Variants in OR6C1 observed in about 807,000 individuals in gnomAD.
OR6C1 encodes the protein olfactory receptor family 6 subfamily C member 1, also known as olfactory receptor 6C1.
For missense variants in OR6C1, 386 were observed against 366.1 expected (o/e 1.05, Z -0.44); for synonymous variants, 157 against 133.3 (o/e 1.18, Z -1.22).
intron 1 of OR6C1, among the ~76,000 whole-genome samples, chr12:55,315,161 C>T (rs1374150820): frequency 2.0e-5 from 3 of 150,554 alleles, no homozygotes; most frequent in Admixed American, 6.6e-5. Context: ...TCAATTAATT[C>T]CCAAAAACAT....
chr12:55,320,932 C>T lies in OR6C1; in HGVS notation c.333C>T (p.Tyr111=). 2 of 1,613,910 alleles carry T rather than the reference C, an allele frequency of 1.2e-6. No homozygotes were observed. The highest frequency in any genetic ancestry group is 1.7e-6 in the Non-Finnish European group (2 of 1,179,846). ...FFILLGVTEF[Y]LLAAMSYDRY... ...TTCTCTTGGGAGTCACAGAGTTTTA[C>T]CTTCTGGCTGCCATGTCCTATGACC... The change falls in exon 2 of 2, where the codon TAC becomes TAT. Residue 111 remains tyrosine, a synonymous_variant. Coordinates refer to ENST00000642104, the MANE Select transcript of OR6C1 (RefSeq NM_001005182.2).
rs762542178 is a variant in OR6C1, at chr12:55,320,733, C to T, written c.134C>T (p.Thr45Ile). ...ATCACTGGGAACCTGACCCTTATCACAATTACCCTGCTGGATTCCCACCTG... is the reference window on the plus strand; with the variant it reads ...ATCACTGGGAACCTGACCCTTATCATAATTACCCTGCTGGATTCCCACCTG... ...LSITGNLTLI[T>I]ITLLDSHLQT... The change falls in exon 2 of 2, where the codon ACA becomes ATA. Residue 45 changes from threonine to isoleucine, a missense_variant. Physicochemically the swap from Thr to Ile is moderately conservative, Grantham distance 89. Coordinates refer to ENST00000642104, the MANE Select transcript of OR6C1 (RefSeq NM_001005182.2). The T allele has an allele frequency of 6.2e-7, 1 of 1,614,060 alleles. No homozygotes were observed.
At chr12:55,319,838 G>A (rs757016969) in intron 1 of OR6C1, among the ~76,000 whole-genome samples, 1 of 152,068 alleles carries the variant, frequency 6.6e-6, no homozygotes, top group Non-Finnish European at 1.5e-5. Context: ...TAAGGACAAA[G>A]CACTCACTTT....
At chr12:55,316,562 A>G (rs1868414001) in intron 1 of OR6C1, among the ~76,000 whole-genome samples, 1 of 151,848 alleles carries the variant, frequency 6.6e-6, no homozygotes, top group South Asian at 2.1e-4. Context: ...AACTAATTAA[A>G]TGCTTGGACC....
chr12:55,319,955 G>A (rs1376561361), intron 1 of OR6C1, among the ~76,000 whole-genome samples: 10 of 152,038 alleles, frequency 6.6e-5, no homozygotes, highest in Admixed American at 5.2e-4. Flanking sequence ...AGCCTGACCA[G>A]CATGGCGAAA....
Position 55,321,378 on chromosome 12 carries a change from C to G in OR6C1, c.779C>G (p.Pro260Arg). Residue 260 changes from proline to arginine, a missense_variant, in exon 2 of 2, where the codon CCC becomes CGC. By Grantham distance (103) the Pro-to-Arg change is moderately radical. Coordinates refer to ENST00000642104, the MANE Select transcript of OR6C1 (RefSeq NM_001005182.2). ...AGCTGCATTTTTATGTACATTAAAC[C>G]CTCAGCAAAAGATAGAGTGTCCTTG... ...YGSCIFMYIKPSAKDRVSLSK... is the reference protein window; with the variant it reads ...YGSCIFMYIKRSAKDRVSLSK... The G allele has an allele frequency of 6.2e-7, 1 of 1,613,870 alleles. No individual in the cohort carries two copies. The highest frequency in any genetic ancestry group is 1.1e-5 in the South Asian group (1 of 91,068).
chr12:55,318,257 TGTGTGTG>T lies in OR6C1; in HGVS notation c.-33-2306_-33-2300del, dbSNP rs1418138222. On this transcript the variant is annotated intron_variant, in intron 1 of 1. Transcript: ENST00000642104. ...GTGTGTGTGTGTGTGTGTGTGTGTGTGTGTGTGGTGGTGGTGGTTATGAGGTGAAAGA... is the reference window on the plus strand; with the variant it reads ...GTGTGTGTGTGTGTGTGTGTGTGTGTGTGGTGGTGGTTATGAGGTGAAAGA... Among the ~76,000 whole-genome samples, 379 of 147,204 alleles carry T rather than the reference TGTGTGTG, an allele frequency of 2.6e-3. 3 individuals carry two copies. The highest frequency in any genetic ancestry group is 9.5e-3 in the African/African-American group (361 of 37,914).
chr12:55,320,155 T>C (rs1287454286), intron 1 of OR6C1, among the ~76,000 whole-genome samples: 1 of 151,834 alleles, frequency 6.6e-6, no homozygotes, highest in Non-Finnish European at 1.5e-5. Context: ...AAAAACAACC[T>C]CAAGTATCTT....
At chr12:55,320,208 A>G (rs1448148749) in intron 1 of OR6C1, among the ~76,000 whole-genome samples, 1 of 152,122 alleles carries the variant, frequency 6.6e-6, no homozygotes, top group Non-Finnish European at 1.5e-5. Context: ...TTTTACATAA[A>G]TAGGAAACTT....
intron 1 of OR6C1, among the ~76,000 whole-genome samples, chr12:55,317,952 T>TAC (rs61539539): frequency 7.9e-4 from 115 of 146,100 alleles, no homozygotes; most frequent in South Asian, 4.5e-3. Flanking sequence ...TGTATATATA[T>TAC]ACACACACAC....
rs764627400 is a variant in OR6C1, at chr12:55,320,634, T to C, written c.35T>C (p.Leu12Pro). Residue 12 changes from leucine to proline, a missense_variant, in exon 2 of 2, where the codon CTT becomes CCT. Physicochemically the swap from Leu to Pro is moderately conservative, Grantham distance 98. Transcript: ENST00000642104. Reference sequence around the variant, plus strand: ...CATACAGAAATAACAGAGTTTATTCTTCTGGGATTAACAGATGACCCAAAT... The same window carrying C: ...CATACAGAAATAACAGAGTTTATTCCTCTGGGATTAACAGATGACCCAAAT... ...RNHTEITEFI[L>P]LGLTDDPNFQ... 27 of 1,611,032 alleles carry C rather than the reference T, an allele frequency of 1.7e-5. No homozygotes were observed. Among genetic ancestry groups the C allele is most frequent in the Non-Finnish European group, 2.3e-5 (27 of 1,177,884 alleles).
Position 55,321,544 on chromosome 12 carries a change from T to C in OR6C1, c.*6T>C, listed in dbSNP as rs1316494774. ...TATTTTTCACAAGCACATGAAATGG[T>C]ATGGTGTGATGAATTAGAGGCACAG... On this transcript the variant is annotated 3_prime_UTR_variant, in exon 2 of 2. Transcript: ENST00000642104. 1.3e-6 allele frequency: 2 copies of C among 1,585,902 alleles called. No homozygotes were observed. Among genetic ancestry groups the C allele is most frequent in the Non-Finnish European group, 1.7e-6 (2 of 1,162,670 alleles).
Position 55,314,528 on chromosome 12 carries a change from G to A in OR6C1, c.-105G>A, listed in dbSNP as rs868548390. On this transcript the variant is annotated 5_prime_UTR_variant, in exon 1 of 2. Transcript: ENST00000642104. ...TCAGAAATCCTGGTTTTACTGGATA[G>A]CAATGGCATTTGCTAATATCTCTAC... is the stretch of plus-strand genomic sequence containing the variant. The A allele has an allele frequency of 1.3e-5, 2 of 151,504 alleles. No individual in the cohort carries two copies. The highest frequency in any genetic ancestry group is 1.5e-5 in the Non-Finnish European group (1 of 67,664). The allele number at this position is 151,504 out of a possible 1,614,324, so 9.4% of individuals were successfully genotyped here.
rs1868532569 is a variant in OR6C1 at position 55,321,017 on chromosome 12, A to T, written c.418A>T (p.Thr140Ser). The part of the protein sequence containing the change: ...CLSIMNRRVC[T>S]LLVFTSWLVS... The stretch of plus-strand genomic sequence containing the variant: ...GAGTATCATGAATCGAAGAGTCTGC[A>T]CACTGCTTGTTTTTACTTCTTGGCT... Residue 140 changes from threonine (T) to serine (S), a missense_variant, in exon 2 of 2, where the codon ACA (threonine) becomes TCA (serine). Transcript: ENST00000642104. 1 of 1,613,838 alleles carries T rather than the reference A, an allele frequency of 6.2e-7. No individual in the cohort carries two copies. The highest frequency in any genetic ancestry group is 8.5e-7 in the Non-Finnish European group (1 of 1,179,902).
Position 55,317,750 on chromosome 12 carries a change from A to G in OR6C1, c.-33-2817A>G, listed in dbSNP as rs1868433941. Reference sequence around the variant, plus strand: ...TGCACAGAGTAACAGAGGAGTTAACAGGAGATTTCAGCCTGTTGTAAGTGT... The same window carrying G: ...TGCACAGAGTAACAGAGGAGTTAACGGGAGATTTCAGCCTGTTGTAAGTGT... On this transcript the variant is annotated intron_variant, in intron 1 of 1. Transcript: ENST00000642104. Among the ~76,000 whole-genome samples, 6 of 151,974 alleles carry G rather than the reference A, an allele frequency of 3.9e-5. No individual in the cohort carries two copies. The South Asian group carries it at 1.2e-3, about 32-fold the overall frequency.
rs147777528 is a variant in OR6C1 at position 55,320,001 on chromosome 12, C to T, written c.-33-566C>T. ...ACTAAAAATACAAAAATTATCCAGG[C>T]GTGGTGGCACGTGCCTGTAATCCCA... is the stretch of plus-strand genomic sequence containing the variant. On this transcript the variant is annotated intron_variant, in intron 1 of 1. Coordinates refer to ENST00000642104, the MANE Select transcript of OR6C1 (RefSeq NM_001005182.2). Among the ~76,000 whole-genome samples, 529 of 152,056 alleles carry T rather than the reference C, an allele frequency of 3.5e-3. 6 individuals are homozygous for T. Among genetic ancestry groups the T allele is most frequent in the African/African-American group, 0.012 (512 of 41,462 alleles).
chr12:55,317,517 T>A (rs1592261798), intron 1 of OR6C1, among the ~76,000 whole-genome samples: 1 of 151,840 alleles, frequency 6.6e-6, no homozygotes, highest in African/African-American at 2.4e-5. Flanking sequence ...AAAACAAAGA[T>A]AAAAAACTAA....
intron 1 of OR6C1, among the ~76,000 whole-genome samples, chr12:55,320,344 C>A (rs181890719): frequency 4.6e-5 from 7 of 152,216 alleles, no homozygotes; most frequent in Non-Finnish European, 7.4e-5. Flanking sequence ...CCTGCCCTAC[C>A]ACTTCCAACT....
intron 1 of OR6C1, among the ~76,000 whole-genome samples, chr12:55,319,965 A>G (rs1226075047): frequency 6.6e-6 from 1 of 152,088 alleles, no homozygotes; most frequent in African/African-American, 2.4e-5. Context: ...GCATGGCGAA[A>G]CCCCATCTCT....
Sources: allele counts gnomAD v4.1 joint callset (sites outside exome capture counted in the v4.1 genomes callset), GRCh38; gene constraint gnomAD v4.1.1; transcripts MANE v1.5; gene names NCBI Gene and HGNC (gene_info 2026-07-23, HGNC 2026-07-21).